LPP: variants seen among roughly 807,000 people sequenced by gnomAD.
The protein encoded by LPP is lipoma-preferred partner.
In LPP, 38 loss-of-function variants were observed where a neutral mutation model predicts 60.4. The ratio of observed to expected loss-of-function variants is 0.63; its 90% CI spans 0.49 to 0.83. LPP has a LOEUF of 0.83. Among genes scored for constraint, LPP ranks in the 40% least tolerant of loss-of-function variants. LPP has a pLI of 0.00. For missense variants in LPP, 902 were observed against 783.6 expected (o/e 1.15, Z -1.80); for synonymous variants, 328 against 290.8 (o/e 1.13, Z -1.30).
chr3:188,461,719 T>C (rs1284928982), intron 4 of LPP, among the ~76,000 whole-genome samples: 1 of 152,218 alleles, frequency 6.6e-6, no homozygotes, highest in African/African-American at 2.4e-5. Context: ...TAGCTCTCTT[T>C]TTATTGTCCA....
At chr3:188,588,493 G>A (rs1487329811) in intron 6 of LPP, among the ~76,000 whole-genome samples, 2 of 152,216 alleles carry the variant, frequency 1.3e-5, no homozygotes, top group South Asian at 4.2e-4. Context: ...ATGGAGTGTA[G>A]AGGTGGCTAA....
chr3:188,769,810 A>G (rs1735287705), intron 9 of LPP, among the ~76,000 whole-genome samples: 1 of 152,152 alleles, frequency 6.6e-6, no homozygotes, highest in Non-Finnish European at 1.5e-5. Context: ...GAGATTAGTA[A>G]GATTTTGGTT....
chr3:188,886,857 C>G lies in LPP; in HGVS notation c.*12378C>G, dbSNP rs1770742184. ...GAAAATTAATAAATCCTAAACCTGA[C>G]CCATTTTTGTAACAGCTAAAAAGGA... On this transcript the variant is annotated 3_prime_UTR_variant, in exon 12 of 12. Coordinates refer to ENST00000617246, the MANE Select transcript of LPP (RefSeq NM_001375462.1). 1 of 229,646 alleles carries G rather than the reference C, an allele frequency of 4.4e-6. No individual in the cohort carries two copies. The highest frequency in any genetic ancestry group is 8.6e-6 in the Non-Finnish European group (1 of 116,102). The allele number at this position is 229,646 out of a possible 1,614,324, so 14.2% of individuals were successfully genotyped here. A position where few individuals can be genotyped will look rare whatever the true frequency, so the allele number is the denominator to read the frequency against.
At chr3:188,754,313 G>A (rs1042048219) in intron 8 of LPP, among the ~76,000 whole-genome samples, 20 of 152,276 alleles carry the variant, frequency 1.3e-4, no homozygotes, top group Middle Eastern at 3.4e-3. Context: ...TGGATGGAAA[G>A]CCATTGCAAA....
chr3:188,535,281 T>C (rs1368661348), intron 6 of LPP, among the ~76,000 whole-genome samples: 2 of 152,142 alleles, frequency 1.3e-5, no homozygotes, highest in African/African-American at 4.8e-5. Context: ...ATTTTGGAAG[T>C]TTTACGTAAC....
At chr3:188,859,350 A>T (rs1205310946) in intron 9 of LPP, among the ~76,000 whole-genome samples, 1 of 152,100 alleles carries the variant, frequency 6.6e-6, no homozygotes, top group East Asian at 1.9e-4. Flanking sequence ...TAGATTCTTA[A>T]GAGTCATAGA....
At chr3:188,249,673 T>A (rs1400087932) in intron 2 of LPP, among the ~76,000 whole-genome samples, 1 of 152,018 alleles carries the variant, frequency 6.6e-6, no homozygotes, top group Non-Finnish European at 1.5e-5. Context: ...CTTAACTTTT[T>A]ATTGTAAATG....
At chr3:188,726,893 A>G (rs534390307) in intron 8 of LPP, among the ~76,000 whole-genome samples, 2 of 152,306 alleles carry the variant, frequency 1.3e-5, no homozygotes, top group East Asian at 1.9e-4. Context: ...CAAAAAAGGG[A>G]GCTTTCTCAG....
intron 10 of LPP, among the ~76,000 whole-genome samples, chr3:188,870,775 A>G (rs879323976): frequency 2.0e-5 from 3 of 152,218 alleles, no homozygotes; most frequent in Admixed American, 6.5e-5. Flanking sequence ...TGTGGGGACT[A>G]TGAGAACCAC....
At chr3:188,232,159 A>T (rs985977246) in intron 2 of LPP, among the ~76,000 whole-genome samples, 1 of 152,184 alleles carries the variant, frequency 6.6e-6, no homozygotes, top group Non-Finnish European at 1.5e-5. Flanking sequence ...CTTAGAGTCC[A>T]CATTCACATA....
intron 4 of LPP, among the ~76,000 whole-genome samples, chr3:188,420,026 A>G (rs1322758090): frequency 1.3e-5 from 2 of 151,552 alleles, no homozygotes; most frequent in Non-Finnish European, 2.9e-5. Flanking sequence ...TGTTCTTGCT[A>G]TTATTATTGA....
At chr3:188,384,873 G>C (rs1480854614) in intron 3 of LPP, among the ~76,000 whole-genome samples, 1 of 150,664 alleles carries the variant, frequency 6.6e-6, no homozygotes, top group African/African-American at 2.5e-5. Flanking sequence ...AAGGGCCAGA[G>C]AGATAGAGGC....
intron 4 of LPP, among the ~76,000 whole-genome samples, chr3:188,427,085 T>A (rs1268584382): frequency 6.6e-6 from 1 of 152,248 alleles, no homozygotes; most frequent in Non-Finnish European, 1.5e-5. Flanking sequence ...CAGTGGCTAG[T>A]ACTGTACTAG....
intron 9 of LPP, among the ~76,000 whole-genome samples, chr3:188,837,032 T>A (rs1758617058): frequency 6.6e-6 from 1 of 152,152 alleles, no homozygotes; most frequent in South Asian, 2.1e-4. Flanking sequence ...ACAATGTTGT[T>A]TTTCATAAAT....
intron 6 of LPP, among the ~76,000 whole-genome samples, chr3:188,597,245 T>G (rs1474240048): frequency 1.3e-5 from 2 of 152,210 alleles, no homozygotes; most frequent in African/African-American, 4.8e-5. Context: ...GAATACTGTA[T>G]GTTTCAGTTA....
chr3:188,381,933 C>T (rs551231973), intron 3 of LPP, among the ~76,000 whole-genome samples: 2 of 150,372 alleles, frequency 1.3e-5, no homozygotes, highest in South Asian at 2.1e-4. Context: ...AGGTGTGACC[C>T]GATACACCCA....
intron 1 of LPP, among the ~76,000 whole-genome samples, chr3:188,204,880 A>C (rs1449815481): frequency 1.3e-5 from 2 of 152,218 alleles, no homozygotes; most frequent in Non-Finnish European, 2.9e-5. Context: ...ATAAGCTGTT[A>C]AGATTTTCAA....
At chr3:188,815,509 A>G (rs113992463) in intron 9 of LPP, among the ~76,000 whole-genome samples, 122 of 152,182 alleles carry the variant, frequency 8.0e-4, no homozygotes, top group African/African-American at 2.9e-3. Flanking sequence ...GTGAGACAAA[A>G]TAATAGATGA....
At chr3:188,307,938 A>AGT (rs373759377) in intron 2 of LPP, among the ~76,000 whole-genome samples, 15 of 151,806 alleles carry the variant, frequency 9.9e-5, no homozygotes, top group Non-Finnish European at 1.6e-4. Context: ...CTGGGGTGTA[A>AGT]GTGTGTGTGT....
Sources: allele counts gnomAD v4.1 joint callset (sites outside exome capture counted in the v4.1 genomes callset), GRCh38; gene constraint gnomAD v4.1.1; transcripts MANE v1.5; gene names NCBI Gene and HGNC (gene_info 2026-07-23, HGNC 2026-07-21).